The following CNBD1 variants were observed in gnomAD, a reference collection of about 807,000 sequenced individuals.
The protein encoded by CNBD1 is cyclic nucleotide-binding domain-containing protein 1.
CNBD1 carries 71 observed loss-of-function variants against 54.4 expected under a neutral mutation model. The ratio of observed to expected loss-of-function variants is 1.30; its 90% CI spans 1.08 to 1.59. CNBD1 has a LOEUF of 1.59. CNBD1 is among the 40% of genes most tolerant of loss of function. The probability of loss-of-function intolerance (pLI) is 0.00; values close to 1 mark genes in which losing one functional copy is unlikely to be tolerated. For missense variants in CNBD1, 659 were observed against 518.0 expected (o/e 1.27, Z -2.64); for synonymous variants, 182 against 170.7 (o/e 1.07, Z -0.51).
At chr8:87,215,236 G>A (rs57225267) in intron 5 of CNBD1, among the ~76,000 whole-genome samples, 13,476 of 152,088 alleles carry the variant, frequency 0.089, 1,823 homozygotes, top group African/African-American at 0.29. Context: ...AAAAGGCCAC[G>A]TGTTTATGAC....
intron 5 of CNBD1, among the ~76,000 whole-genome samples, chr8:87,236,458 GTGAT>G (rs1807586097): frequency 6.6e-6 from 1 of 151,998 alleles, no homozygotes; most frequent in South Asian, 2.1e-4. Flanking sequence ...AGTTCTATAA[GTGAT>G]TGTCATCATG....
chr8:86,955,627 T>C (rs985476930), intron 4 of CNBD1, among the ~76,000 whole-genome samples: 1 of 152,238 alleles, frequency 6.6e-6, no homozygotes, highest in African/African-American at 2.4e-5. Flanking sequence ...TGCATAAATA[T>C]CTTCTTTTGA....
chr8:87,211,276 T>C (rs1358395500), intron 5 of CNBD1, among the ~76,000 whole-genome samples: 1 of 152,136 alleles, frequency 6.6e-6, no homozygotes, highest in Non-Finnish European at 1.5e-5. Flanking sequence ...TATAGGCTCA[T>C]AGGTGGGAGG....
chr8:87,036,672 T>G (rs966057117), intron 4 of CNBD1, among the ~76,000 whole-genome samples: 11 of 152,126 alleles, frequency 7.2e-5, no homozygotes, highest in African/African-American at 1.9e-4. Flanking sequence ...CATACAATTT[T>G]TGTTTTTCCT....
chr8:87,343,839 C>T (rs997539105), intron 8 of CNBD1, among the ~76,000 whole-genome samples: 1 of 151,904 alleles, frequency 6.6e-6, no homozygotes, highest in Non-Finnish European at 1.5e-5. Context: ...GTTTTGTATA[C>T]TTAATATATA....
At chr8:86,950,233 G>C (rs1807583905) in intron 4 of CNBD1, among the ~76,000 whole-genome samples, 1 of 151,456 alleles carries the variant, frequency 6.6e-6, no homozygotes. Flanking sequence ...GCAAATTTTT[G>C]TATTTTTAGT....
At position 87,099,050 on chromosome 8, in the gene CNBD1, A is replaced by C. The variant is rs937908768; in HGVS notation, c.432-106943A>C. 1.3e-3 allele frequency among the ~76,000 whole-genome samples: 194 copies of C among 150,828 alleles called. 2 individuals carry two copies. The East Asian group carries it at 0.017, about 13-fold the overall frequency. On this transcript the variant is annotated intron_variant, in intron 4 of 10. Transcript: ENST00000518476. ...ACTGTGTCTCAAAAAAAAAAAAAAA[A>C]AAAAAAAAAACAAAACTCCAAATTT...
In CNBD1 at chr8:87,286,568, G is replaced by T; in HGVS notation, c.939G>T (p.Lys313Asn). ...AAATAAAACTTGAAAATATGCAAAA[G>T]TTGAAATTAATCCGTATGTGTCCTT... is the stretch of plus-strand genomic sequence containing the variant. ...EEKIKLENMQ[K>N]LKLIRMCPYY... is the part of the protein sequence containing the mutation. Residue 313 changes from lysine (K) to asparagine (N), a missense_variant, in exon 8 of 11, where the codon AAG becomes AAT. Physicochemically the swap from Lys to Asn is moderately conservative, Grantham distance 94. Transcript: ENST00000518476. 6.9e-7 allele frequency: 1 copy of T among 1,459,330 alleles called. No homozygotes were observed. The highest frequency in any genetic ancestry group is 9.4e-7 in the Non-Finnish European group (1 of 1,063,460). 90.4% of individuals were successfully genotyped at this position (1,459,330 alleles called of 1,614,324 possible). A position where few individuals can be genotyped will look rare whatever the true frequency, so the allele number is the denominator to read the frequency against.
downstream of CNBD1, among the ~76,000 whole-genome samples, chr8:87,383,934 T>TAAAATCAGATAATCACTGACATC (rs1811137196): frequency 6.6e-6 from 1 of 152,140 alleles, no homozygotes; most frequent in Non-Finnish European, 1.5e-5. Flanking sequence ...ATTATCTGAT[T>TAAAATCAGATAATCACTGACATC]TTAGATCATG....
chr8:87,177,748 A>C (rs1261264469), intron 4 of CNBD1, among the ~76,000 whole-genome samples: 1 of 152,170 alleles, frequency 6.6e-6, no homozygotes, highest in Non-Finnish European at 1.5e-5. Flanking sequence ...GATGCAATTA[A>C]GTTCTTATTA....
At chr8:87,351,265 G>C (rs553948769) in intron 8 of CNBD1, among the ~76,000 whole-genome samples, 3 of 152,200 alleles carry the variant, frequency 2.0e-5, no homozygotes, top group South Asian at 2.1e-4. Flanking sequence ...CAAGATATAG[G>C]CTCTGGAAAG....
At chr8:86,932,192 G>A (rs991293504) in intron 3 of CNBD1, among the ~76,000 whole-genome samples, 1 of 152,202 alleles carries the variant, frequency 6.6e-6, no homozygotes, top group Non-Finnish European at 1.5e-5. Context: ...AAGTGAGGTC[G>A]AAGGTTTGCC....
chr8:87,228,984 G>A (rs1453872825), intron 5 of CNBD1, among the ~76,000 whole-genome samples: 2 of 152,194 alleles, frequency 1.3e-5, no homozygotes, highest in African/African-American at 4.8e-5. Context: ...CGGTATTCGG[G>A]TGGGAGTGAC....
intron 4 of CNBD1, among the ~76,000 whole-genome samples, chr8:87,100,925 C>T: frequency 6.6e-6 from 1 of 152,172 alleles, no homozygotes; most frequent in Non-Finnish European, 1.5e-5. Flanking sequence ...TATTGAACCA[C>T]CCATGTAGGG....
intron 4 of CNBD1, among the ~76,000 whole-genome samples, chr8:86,975,392 C>G (rs778230817): frequency 3.9e-5 from 6 of 152,018 alleles, no homozygotes; most frequent in African/African-American, 7.2e-5. Flanking sequence ...GTCCCCATCC[C>G]CACCTTCAGC....
At chr8:87,196,102 T>C (rs1813717263) in intron 4 of CNBD1, among the ~76,000 whole-genome samples, 1 of 152,178 alleles carries the variant, frequency 6.6e-6, no homozygotes, top group Non-Finnish European at 1.5e-5. Flanking sequence ...TGAACACTTA[T>C]ACTCCCTCAC....
At chr8:87,282,802 TAAATG>T (rs1808622847) in intron 6 of CNBD1, among the ~76,000 whole-genome samples, 1 of 151,972 alleles carries the variant, frequency 6.6e-6, no homozygotes, top group African/African-American at 2.4e-5. Context: ...TTGAAAAAAT[TAAATG>T]GACAATATCT....
At chr8:87,417,424 G>A (rs1029923891) in intron 2 of CNBD1, among the ~76,000 whole-genome samples, 9 of 151,890 alleles carry the variant, frequency 5.9e-5, no homozygotes, top group Admixed American at 3.3e-4. Flanking sequence ...TCTCTTTGAC[G>A]ATAAAAAGTA....
chr8:87,348,054 T>C (rs1810210445), intron 8 of CNBD1, among the ~76,000 whole-genome samples: 1 of 152,190 alleles, frequency 6.6e-6, no homozygotes, highest in South Asian at 2.1e-4. Context: ...TAGATAAGTG[T>C]ACATTTATTT....
Sources: gnomAD v4.1 joint callset for allele counts (sites outside exome capture counted in the v4.1 genomes callset) on GRCh38, gnomAD v4.1.1 for gene constraint, MANE v1.5 for transcripts, NCBI Gene and HGNC (gene_info 2026-07-23, HGNC 2026-07-21) for gene names.